The following XYLT1 variants were observed in gnomAD, a reference collection of about 807,000 sequenced individuals.
XYLT1 encodes beta-D-xylosyltransferase 1.
Under a neutral mutation model 91.3 loss-of-function variants are expected in XYLT1, and 36 were observed. That is an observed-to-expected ratio of 0.39 (90% CI 0.30 to 0.52). The LOEUF (loss-of-function observed/expected upper bound fraction) is 0.52, where lower values mean the gene tolerates loss of function less well. Ranked by LOEUF, XYLT1 falls within the 20% of genes least tolerant of loss-of-function variation. The probability of loss-of-function intolerance (pLI) is 0.68; values close to 1 mark genes in which losing one functional copy is unlikely to be tolerated. For synonymous variants in XYLT1, 588 were observed against 532.0 expected, an observed-to-expected ratio of 1.11 and a Z score of -1.45; for missense variants, 1,242 against 1,284.5, an observed-to-expected ratio of 0.97 and a Z score of 0.51.
At chr16:17,379,999 G>T (rs2035659612) in intron 1 of XYLT1, among the ~76,000 whole-genome samples, 1 of 152,126 alleles carries the variant, frequency 6.6e-6, no homozygotes, top group South Asian at 2.1e-4. Flanking sequence ...CTAAGAGGTG[G>T]TTGGAGGGCT....
chr16:17,340,799 C>T (rs888476883), intron 2 of XYLT1, among the ~76,000 whole-genome samples: 6 of 152,208 alleles, frequency 3.9e-5, no homozygotes, highest in African/African-American at 1.4e-4. Flanking sequence ...AAATGCTCAA[C>T]AATTTTTAGC....
At chr16:17,416,457 C>A (rs1055451256) in intron 1 of XYLT1, among the ~76,000 whole-genome samples, 1 of 152,166 alleles carries the variant, frequency 6.6e-6, no homozygotes, top group Non-Finnish European at 1.5e-5. Flanking sequence ...GTTCCTCACA[C>A]GGGGCCTGAG....
intron 1 of XYLT1, among the ~76,000 whole-genome samples, chr16:17,436,117 G>A (rs2036456151): frequency 6.6e-6 from 1 of 152,166 alleles, no homozygotes; most frequent in African/African-American, 2.4e-5. Flanking sequence ...TCTCTTACCT[G>A]CCATCAAGTA....
intron 5 of XYLT1, among the ~76,000 whole-genome samples, chr16:17,182,604 C>T (rs1189796595): frequency 2.8e-5 from 4 of 143,964 alleles, no homozygotes; most frequent in South Asian, 4.3e-4. Context: ...TCTTCTACAT[C>T]GTAGTGGAAT....
intron 3 of XYLT1, among the ~76,000 whole-genome samples, chr16:17,257,503 A>G (rs1375136394): frequency 6.6e-6 from 1 of 152,190 alleles, no homozygotes; most frequent in Non-Finnish European, 1.5e-5. Flanking sequence ...ATCTTCTCCA[A>G]GGAAAAAAGT....
At chr16:17,138,012 G>A (rs1597145638) in intron 8 of XYLT1, among the ~76,000 whole-genome samples, 2 of 148,832 alleles carry the variant, frequency 1.3e-5, no homozygotes, top group South Asian at 4.3e-4. Context: ...TATTTTGGGA[G>A]ATTCTGATGA....
At chr16:17,391,233 T>C (rs1294143519) in intron 1 of XYLT1, among the ~76,000 whole-genome samples, 1 of 152,066 alleles carries the variant, frequency 6.6e-6, no homozygotes, top group Admixed American at 6.5e-5. Flanking sequence ...ATTTAACACT[T>C]GATATGAACT....
chr16:17,457,316 C>T (rs1368639205), intron 1 of XYLT1, among the ~76,000 whole-genome samples: 3 of 152,220 alleles, frequency 2.0e-5, no homozygotes, highest in African/African-American at 4.8e-5. Flanking sequence ...CCCATCGCTG[C>T]TTTCTAGCAC....
chr16:17,436,743 A>G (rs866139214), intron 1 of XYLT1, among the ~76,000 whole-genome samples: 2 of 152,252 alleles, frequency 1.3e-5, no homozygotes, highest in Non-Finnish European at 1.5e-5. Flanking sequence ...GGAGAATTAC[A>G]TAACAGTTCA....
At chr16:17,287,118 C>T (rs1433122519) in intron 2 of XYLT1, among the ~76,000 whole-genome samples, 1 of 152,090 alleles carries the variant, frequency 6.6e-6, no homozygotes, top group Non-Finnish European at 1.5e-5. Flanking sequence ...GTAGTTATAT[C>T]CTGAACAAGC....
At chr16:17,303,744 G>C (rs1272058608) in intron 2 of XYLT1, among the ~76,000 whole-genome samples, 1 of 152,184 alleles carries the variant, frequency 6.6e-6, no homozygotes, top group African/African-American at 2.4e-5. Context: ...TCTGATTCTA[G>C]AAACAGGTAT....
chr16:17,420,722 T>C (rs1432257988), intron 1 of XYLT1, among the ~76,000 whole-genome samples: 7 of 152,242 alleles, frequency 4.6e-5, no homozygotes, highest in Non-Finnish European at 1.0e-4. Flanking sequence ...GTTCTTTCTA[T>C]TGAATGTGTG....
chr16:17,229,750 T>A (rs1270816669), intron 3 of XYLT1, among the ~76,000 whole-genome samples: 1 of 152,198 alleles, frequency 6.6e-6, no homozygotes, highest in Non-Finnish European at 1.5e-5. Context: ...GGTTACAAAT[T>A]CACATTTGTA....
intron 2 of XYLT1, among the ~76,000 whole-genome samples, chr16:17,317,820 C>G (rs2034659198): frequency 6.6e-6 from 1 of 151,932 alleles, no homozygotes; most frequent in African/African-American, 2.4e-5. Flanking sequence ...CCCTCTCTTC[C>G]TCTCACTCAT....
chr16:17,427,685 G>A (rs757188651), intron 1 of XYLT1, among the ~76,000 whole-genome samples: 1 of 152,106 alleles, frequency 6.6e-6, no homozygotes, highest in African/African-American at 2.4e-5. Flanking sequence ...GCATCCACAT[G>A]TATCCTACCC....
At chr16:17,221,141 C>T (rs1309179535) in intron 3 of XYLT1, among the ~76,000 whole-genome samples, 1 of 152,110 alleles carries the variant, frequency 6.6e-6, no homozygotes, top group Non-Finnish European at 1.5e-5. Context: ...GGGTCCTCGT[C>T]CCTCTCCGGC....
chr16:17,232,901 T>C (rs1160835618), intron 3 of XYLT1, among the ~76,000 whole-genome samples: 1 of 152,148 alleles, frequency 6.6e-6, no homozygotes. Flanking sequence ...CGCCTACTTA[T>C]TTATCTCAAA....
intron 3 of XYLT1, among the ~76,000 whole-genome samples, chr16:17,238,179 T>C (rs1465519805): frequency 6.6e-6 from 1 of 152,216 alleles, no homozygotes; most frequent in Non-Finnish European, 1.5e-5. Context: ...AATCTGTAAT[T>C]TATTCCCATT....
intron 8 of XYLT1, among the ~76,000 whole-genome samples, chr16:17,137,091 C>A (rs1163399783): frequency 6.6e-6 from 1 of 152,118 alleles, no homozygotes; most frequent in Non-Finnish European, 1.5e-5. Flanking sequence ...TGTCTGCCAG[C>A]TTAAGGTGGC....
Sources: gnomAD v4.1 joint callset for allele counts (sites outside exome capture counted in the v4.1 genomes callset) on GRCh38, gnomAD v4.1.1 for gene constraint, MANE v1.5 for transcripts, NCBI Gene and HGNC (gene_info 2026-07-23, HGNC 2026-07-21) for gene names.